Variants in PPFIBP1 observed in about 807,000 individuals in gnomAD.
PPFIBP1 encodes the protein liprin-beta-1.
Under a neutral mutation model 137.8 loss-of-function variants are expected in PPFIBP1, and 112 were observed. The ratio of observed to expected loss-of-function variants is 0.81; its 90% confidence interval spans 0.70 to 0.95. PPFIBP1 has a LOEUF of 0.95. Among genes scored for constraint, PPFIBP1 ranks in the 40% least tolerant of loss-of-function variants. The probability of loss-of-function intolerance (pLI) is 0.00; values close to 1 mark genes in which losing one functional copy is unlikely to be tolerated. For missense variants in PPFIBP1, 1,083 were observed against 1,196.6 expected, an observed-to-expected ratio of 0.91 and a Z score of 1.40; for synonymous variants, 378 against 417.3, an observed-to-expected ratio of 0.91 and a Z score of 1.15.
chr12:27,617,470 A>G (rs2055884499), intron 2 of PPFIBP1, among the ~76,000 whole-genome samples: 1 of 152,176 alleles, frequency 6.6e-6, no homozygotes, highest in Non-Finnish European at 1.5e-5. Flanking sequence ...TAAATGAGAA[A>G]TACTTTGTGA....
chr12:27,564,460 C>T (rs755584377), intron 1 of PPFIBP1, among the ~76,000 whole-genome samples: 1 of 152,216 alleles, frequency 6.6e-6, no homozygotes, highest in Non-Finnish European at 1.5e-5. Flanking sequence ...GTCTTGTTTT[C>T]ACTGTTGTCA....
In PPFIBP1 at chr12:27,633,559, T is replaced by G. The variant is rs902711059; in HGVS notation, c.64+99T>G. ...TATTATCTTTTCACTTTATTTTCAT[T>G]TTTTAGACCTATGCCTTTTGCTTCC... On this transcript the variant is annotated intron_variant, in intron 3 of 29. Coordinates refer to ENST00000228425, the MANE Select transcript of PPFIBP1 (RefSeq NM_003622.4). 1.2e-5 allele frequency: 12 copies of G among 1,027,028 alleles called. No individual in the cohort carries two copies. The African/African-American group carries it at 1.9e-4, about 17-fold the overall frequency. The allele number at this position is 1,027,028 out of a possible 1,614,324, so 63.6% of individuals were successfully genotyped here. A position where few individuals can be genotyped will look rare whatever the true frequency, so the allele number is the denominator to read the frequency against.
chr12:27,526,361 T>C (rs1943752637), intron 1 of PPFIBP1, among the ~76,000 whole-genome samples: 1 of 152,246 alleles, frequency 6.6e-6, no homozygotes, highest in African/African-American at 2.4e-5. Flanking sequence ...ATAATAGCAG[T>C]AATTTTACAT....
At chr12:27,683,769 TTTTTATTTTTATTTTTA>T in intron 24 of PPFIBP1, among the ~76,000 whole-genome samples, 1 of 131,266 alleles carries the variant, frequency 7.6e-6, no homozygotes, top group East Asian at 1.9e-4. Context: ...TATTTATTTA[TTTTTATTTTTATTTTTA>T]TTTTATTTTA....
intron 2 of PPFIBP1, among the ~76,000 whole-genome samples, chr12:27,612,328 G>GTTTTTTTTTT (rs1173958726): frequency 9.2e-5 from 8 of 87,254 alleles, no homozygotes; most frequent in Non-Finnish European, 1.3e-4. Context: ...CTTTATTGGT[G>GTTTTTTTTTT]TTTTTTTTTT....
intron 2 of PPFIBP1, among the ~76,000 whole-genome samples, chr12:27,578,686 T>C (rs554455780): frequency 2.7e-3 from 405 of 152,296 alleles, no homozygotes; most frequent in African/African-American, 9.0e-3. Context: ...TTACCCACTT[T>C]CTCCCTATTT....
chr12:27,598,980 T>C (rs1159030020), intron 2 of PPFIBP1, among the ~76,000 whole-genome samples: 1 of 152,234 alleles, frequency 6.6e-6, no homozygotes, highest in Non-Finnish European at 1.5e-5. Context: ...TGTGGATTTA[T>C]AATGTTTTAG....
chr12:27,605,134 T>C (rs756920324), intron 2 of PPFIBP1, among the ~76,000 whole-genome samples: 13 of 152,200 alleles, frequency 8.5e-5, no homozygotes, highest in Non-Finnish European at 1.2e-4. Context: ...AAAGCATTTA[T>C]GGTGGCCTAC....
intron 1 of PPFIBP1, among the ~76,000 whole-genome samples, chr12:27,550,909 T>C (rs114694494): frequency 0.016 from 2,500 of 151,746 alleles, 82 homozygotes; most frequent in African/African-American, 0.058. Context: ...TAATAATGGT[T>C]GGTGTTTATC....
intron 2 of PPFIBP1, among the ~76,000 whole-genome samples, chr12:27,627,052 C>T (rs1160340510): frequency 6.6e-6 from 1 of 152,170 alleles, no homozygotes; most frequent in East Asian, 1.9e-4. Flanking sequence ...ATAATAATCA[C>T]ATCAGGGTAA....
At chr12:27,595,886 A>AAAAT (rs2053201584) in intron 2 of PPFIBP1, among the ~76,000 whole-genome samples, 182 of 102,316 alleles carry the variant, frequency 1.8e-3, no homozygotes, top group African/African-American at 5.9e-3. Flanking sequence ...ACAACAACAA[A>AAAAT]ATATATATAT....
chr12:27,603,642 T>G (rs1365219487), intron 2 of PPFIBP1, among the ~76,000 whole-genome samples: 2 of 152,182 alleles, frequency 1.3e-5, no homozygotes, highest in Non-Finnish European at 2.9e-5. Context: ...CCTCCTGGAT[T>G]CTGGCCATCA....
intron 2 of PPFIBP1, among the ~76,000 whole-genome samples, chr12:27,604,953 A>C (rs2054371585): frequency 6.6e-6 from 1 of 152,164 alleles, no homozygotes; most frequent in Admixed American, 6.5e-5. Context: ...CCCATTTTTA[A>C]AACCATCAGA....
At chr12:27,673,866 C>T (rs1173893556) in intron 16 of PPFIBP1, 39 bp downstream of exon 16, 36 of 1,530,100 alleles carry the variant, frequency 2.4e-5, no homozygotes, top group Non-Finnish European at 2.9e-5. Flanking sequence ...GTCTGTTATC[C>T]TGAGAAAAAA....
At chr12:27,647,024 C>T (rs752826759) in intron 5 of PPFIBP1, among the ~76,000 whole-genome samples, 8 of 152,144 alleles carry the variant, frequency 5.3e-5, no homozygotes, top group South Asian at 4.1e-4. Flanking sequence ...TTGTTTTGGA[C>T]GGAGTCTCGC....
chr12:27,627,193 GTC>G (rs2056891357), intron 2 of PPFIBP1, among the ~76,000 whole-genome samples: 1 of 152,108 alleles, frequency 6.6e-6, no homozygotes, highest in South Asian at 2.1e-4. Flanking sequence ...CAAATATGAT[GTC>G]TCTGTTTTTA....
rs928882471 is a variant in PPFIBP1 at position 27,575,705 on chromosome 12, C to T, written c.-123-2447C>T. Among the ~76,000 whole-genome samples the T allele has an allele frequency of 4.6e-5, 7 of 152,118 alleles. No homozygotes were observed. The South Asian group carries it at 1.2e-3, about 27-fold the overall frequency. ...CTATTTGTATTTATGCTTGTCATTT[C>T]ACTAAGGGTTTTTCTTCTAGAAATG... On this transcript the variant is annotated intron_variant, in intron 1 of 29. Coordinates refer to ENST00000228425, the MANE Select transcript of PPFIBP1 (RefSeq NM_003622.4).
At chr12:27,589,752 C>T (rs781070234) in intron 2 of PPFIBP1, among the ~76,000 whole-genome samples, 8 of 152,104 alleles carry the variant, frequency 5.3e-5, no homozygotes, top group Non-Finnish European at 8.8e-5. Context: ...AGCTTAATTG[C>T]GAGAGTAAGA....
intron 2 of PPFIBP1, among the ~76,000 whole-genome samples, chr12:27,586,123 T>A (rs1263857574): frequency 2.0e-5 from 3 of 152,218 alleles, no homozygotes; most frequent in African/African-American, 7.2e-5. Flanking sequence ...CCTTTGAGGC[T>A]AATACTGTTA....
Sources: gnomAD v4.1 joint callset for allele counts (sites outside exome capture counted in the v4.1 genomes callset) on GRCh38, gnomAD v4.1.1 for gene constraint, MANE v1.5 for transcripts, NCBI Gene and HGNC (gene_info 2026-07-23, HGNC 2026-07-21) for gene names.